AKAP12: variants seen among roughly 807,000 people sequenced by gnomAD.
AKAP12 encodes A-kinase anchor protein 12.
A neutral mutation model predicts 79.9 loss-of-function variants in AKAP12; 32 were observed. The observed-to-expected ratio is 0.40, with a 90% CI of 0.30 to 0.54. The LOEUF (loss-of-function observed/expected upper bound fraction) is 0.54, where lower values mean the gene tolerates loss of function less well. Ranked by LOEUF, AKAP12 falls within the 20% of genes least tolerant of loss-of-function variation. AKAP12 has a pLI of 0.48. For missense variants in AKAP12, 2,074 were observed against 2,177.0 expected, an observed-to-expected ratio of 0.95 and a Z score of 0.94; for synonymous variants, 808 against 857.0, an observed-to-expected ratio of 0.94 and a Z score of 1.00.
chr6:151,321,494 G>T (rs759274768), intron 3 of AKAP12, among the ~76,000 whole-genome samples: 16 of 152,002 alleles, frequency 1.1e-4, no homozygotes, highest in Non-Finnish European at 2.2e-4. Context: ...ATTCATCTAT[G>T]TTATGGCATG....
intron 3 of AKAP12, among the ~76,000 whole-genome samples, chr6:151,321,917 T>TG (rs1562738073): frequency 1.4e-5 from 2 of 148,020 alleles, no homozygotes; most frequent in Non-Finnish European, 3.0e-5. Context: ...TTTTTTTTTT[T>TG]TTTTTTTTTT....
chr6:151,261,657 TGC>T (rs1269779668), intron 2 of AKAP12, among the ~76,000 whole-genome samples: 30 of 150,356 alleles, frequency 2.0e-4, no homozygotes, highest in African/African-American at 6.6e-4. Context: ...GCCGTGATCA[TGC>T]CATTGCACTC....
intron 3 of AKAP12, among the ~76,000 whole-genome samples, chr6:151,306,427 C>A (rs2294794): frequency 6.6e-6 from 1 of 151,916 alleles, no homozygotes; most frequent in Non-Finnish European, 1.5e-5. Context: ...GGTGAGGAAC[C>A]GTATCTTGAG....
intron 3 of AKAP12, among the ~76,000 whole-genome samples, chr6:151,347,590 AAG>A (rs1161023341): frequency 1.3e-5 from 2 of 152,238 alleles, no homozygotes; most frequent in Non-Finnish European, 2.9e-5. Context: ...AAGCAACAGA[AAG>A]AGCAGATAAT....
At position 151,351,704 on chromosome 6, in the gene AKAP12, C is replaced by A; in HGVS notation, c.3313C>A (p.Pro1105Thr). ...AGATGCTCAGGAGGCAAAAACTGAGCCTTTTACACAAGGGAAGGTGGTGGG... is the reference window on the plus strand; with the variant it reads ...AGATGCTCAGGAGGCAAAAACTGAGACTTTTACACAAGGGAAGGTGGTGGG... The part of the protein sequence containing the change: ...KVDAQEAKTE[P>T]FTQGKVVGQT... The change falls in exon 4 of 5, where the codon CCT becomes ACT. Residue 1105 changes from proline to threonine, a missense_variant. Coordinates refer to ENST00000402676, the MANE Select transcript of AKAP12 (RefSeq NM_005100.4). This position sits in a 1 kb window ranked among gnomAD's most constrained non-coding sequence, Gnocchi z 4.4. The A allele has an allele frequency of 6.2e-7, 1 of 1,614,094 alleles. No homozygotes were observed. The highest frequency in any genetic ancestry group is 1.7e-5 in the Admixed American group (1 of 60,008).
In AKAP12 at chr6:151,352,028, G is replaced by A. The variant is rs757573273; in HGVS notation, c.3637G>A (p.Ala1213Thr). 11 of 1,613,974 alleles carry A rather than the reference G, an allele frequency of 6.8e-6. No individual in the cohort carries two copies. The highest frequency in any genetic ancestry group is 9.3e-6 in the Non-Finnish European group (11 of 1,180,034). ...CCAGTCAGGGGGCACAGAAGCAGAGGCAGTTCCTGCACAGAAAGAGAGGCC... is the reference window on the plus strand; with the variant it reads ...CCAGTCAGGGGGCACAGAAGCAGAGACAGTTCCTGCACAGAAAGAGAGGCC... ...GTQSGGTEAE[A>T]VPAQKERPPA... The change falls in exon 4 of 5, where the codon GCA becomes ACA. Residue 1213 changes from alanine to threonine, a missense_variant. Physicochemically the swap from Ala to Thr is moderately conservative, Grantham distance 58. This residue lies in a region of AKAP12 where 32 missense variants were observed against 60.4 expected (regional missense o/e 0.53). Transcript: ENST00000402676.
chr6:151,351,390 C>T lies in AKAP12; in HGVS notation c.2999C>T (p.Thr1000Ile). 6.2e-7 allele frequency: 1 copy of T among 1,614,210 alleles called. No individual in the cohort carries two copies. The highest frequency in any genetic ancestry group is 2.2e-5 in the East Asian group (1 of 44,878). Residue 1000 changes from threonine (T) to isoleucine (I), a missense_variant, in exon 4 of 5, where the codon ACA (threonine) becomes ATA (isoleucine). Physicochemically the swap from Thr to Ile is moderately conservative, Grantham distance 89 (BLOSUM62 -1). This residue lies in a region of AKAP12 where 1,428 missense variants were observed against 1,451.0 expected (regional missense o/e 0.98). Transcript: ENST00000402676. The surrounding 1 kb of genome is among the most constrained non-coding windows in gnomAD (Gnocchi z 4.4). ...GAAGCATCTGCTGCTGAAGAGACCA[C>T]AGAAATGGTGTCAGCAGTCTCCCAG... ...GTEASAAEET[T>I]EMVSAVSQLT...
chr6:151,273,871 A>C (rs1459944030), intron 2 of AKAP12, among the ~76,000 whole-genome samples: 1 of 152,058 alleles, frequency 6.6e-6, no homozygotes, highest in African/African-American at 2.4e-5. Flanking sequence ...TCTACTAAAA[A>C]TATGAAAATT....
At chr6:151,289,800 G>T (rs1004357639) in intron 2 of AKAP12, among the ~76,000 whole-genome samples, 14 of 152,314 alleles carry the variant, frequency 9.2e-5, no homozygotes, top group South Asian at 4.1e-4. Context: ...TGTAAAGGGA[G>T]GGTGGTGGGC....
At chr6:151,249,982 T>C (rs1429212004) in intron 2 of AKAP12, among the ~76,000 whole-genome samples, 1 of 152,188 alleles carries the variant, frequency 6.6e-6, no homozygotes, top group Non-Finnish European at 1.5e-5. Context: ...TGGTGGCTCA[T>C]GCCTATAATC....
At chr6:151,285,226 G>A (rs193040841) in intron 2 of AKAP12, among the ~76,000 whole-genome samples, 67 of 152,202 alleles carry the variant, frequency 4.4e-4, no homozygotes, top group African/African-American at 1.5e-3. Flanking sequence ...TAACCTAATT[G>A]GTATAAAAAC....
intron 2 of AKAP12, among the ~76,000 whole-genome samples, chr6:151,296,420 A>G (rs1582863261): frequency 6.6e-6 from 1 of 152,218 alleles, no homozygotes; most frequent in East Asian, 1.9e-4. Flanking sequence ...TTTTAAATTC[A>G]TGGAATATAA....
intron 3 of AKAP12, among the ~76,000 whole-genome samples, chr6:151,328,536 C>T (rs1777590241): frequency 6.6e-6 from 1 of 150,846 alleles, no homozygotes; most frequent in Non-Finnish European, 1.5e-5. Context: ...ACTCGGGAGG[C>T]TGAGGCAGGA....
chr6:151,297,218 T>C (rs1355488604), intron 2 of AKAP12, among the ~76,000 whole-genome samples: 6 of 134,794 alleles, frequency 4.5e-5, no homozygotes. Flanking sequence ...GTGTGTGTTG[T>C]GGGGGCAGGA....
At chr6:151,266,022 A>G (rs1489562447) in intron 2 of AKAP12, among the ~76,000 whole-genome samples, 1 of 152,226 alleles carries the variant, frequency 6.6e-6, no homozygotes, top group East Asian at 1.9e-4. Context: ...CACCAAAGTG[A>G]TTTGACAAAA....
chr6:151,354,396 CGG>C (rs1472340617), intron 4 of AKAP12, among the ~76,000 whole-genome samples: 2 of 144,436 alleles, frequency 1.4e-5, no homozygotes, highest in South Asian at 2.1e-4. Context: ...TTTCTTGAGA[CGG>C]AGTCTCGCTC....
intron 2 of AKAP12, among the ~76,000 whole-genome samples, chr6:151,243,639 C>T (rs530807154): frequency 2.9e-4 from 44 of 151,990 alleles, no homozygotes; most frequent in African/African-American, 9.4e-4. Flanking sequence ...TTATTTTTTC[C>T]GTTAGATCCA....
chr6:151,290,167 A>G (rs1165522217), intron 2 of AKAP12, among the ~76,000 whole-genome samples: 1 of 152,146 alleles, frequency 6.6e-6, no homozygotes, highest in Non-Finnish European at 1.5e-5. Flanking sequence ...TAATGCTTAT[A>G]GGGACTAGAA....
chr6:151,292,601 C>T (rs955013558), intron 2 of AKAP12, among the ~76,000 whole-genome samples: 17 of 152,344 alleles, frequency 1.1e-4, no homozygotes, highest in Non-Finnish European at 2.4e-4. Context: ...TGAGGAACTG[C>T]AGATACGGAA....
Sources: gnomAD v4.1 joint callset for allele counts (sites outside exome capture counted in the v4.1 genomes callset) on GRCh38, gnomAD v4.1.1 for gene constraint, gnomAD v4.1.1 regional missense constraint, Gnocchi (gnomAD v3.1) non-coding constraint, MANE v1.5 for transcripts, NCBI Gene and HGNC (gene_info 2026-07-23, HGNC 2026-07-21) for gene names.